SHISA9: variants seen among roughly 807,000 people sequenced by gnomAD.
SHISA9 encodes the protein shisa family member 9.
A neutral mutation model predicts 38.0 loss-of-function variants in SHISA9; 13 were observed. The ratio of observed to expected loss-of-function variants is 0.34; its 90% CI spans 0.22 to 0.54. The LOEUF (loss-of-function observed/expected upper bound fraction) is 0.54. Ranked by LOEUF, SHISA9 falls within the 20% of genes least tolerant of loss-of-function variation. The pLI is 0.91. For synonymous variants in SHISA9, 275 were observed against 242.0 expected (o/e 1.14, Z -1.27); for missense variants, 538 against 575.8 (o/e 0.93, Z 0.67).
chr16:12,907,757 C>G (rs908361181), intron 1 of SHISA9, among the ~76,000 whole-genome samples: 1 of 152,118 alleles, frequency 6.6e-6, no homozygotes, highest in Non-Finnish European at 1.5e-5. Context: ...AGATTTCACG[C>G]AGGAATCCAG....
chr16:12,926,832 A>AC (rs543333321), intron 2 of SHISA9, among the ~76,000 whole-genome samples: 193 of 152,312 alleles, frequency 1.3e-3, no homozygotes, highest in African/African-American at 4.4e-3. Flanking sequence ...GACTTTGCCC[A>AC]CCGCTGACTG....
At chr16:13,066,677 T>G (rs1293244479) in intron 2 of SHISA9, among the ~76,000 whole-genome samples, 1 of 152,204 alleles carries the variant, frequency 6.6e-6, no homozygotes, top group South Asian at 2.1e-4. Flanking sequence ...GAATTAAACG[T>G]GTAATGAATG....
At chr16:13,388,650 TG>T in the SHISA9 span, among the ~76,000 whole-genome samples, 1 of 152,178 alleles carries the variant, frequency 6.6e-6, no homozygotes, top group African/African-American at 2.4e-5. Context: ...TTCTATCATA[TG>T]CTAACTCTCT....
the SHISA9 span, among the ~76,000 whole-genome samples, chr16:13,364,226 C>T: frequency 2.6e-5 from 4 of 152,144 alleles, no homozygotes; most frequent in African/African-American, 9.7e-5. Context: ...ACACCTGTGC[C>T]CACTAGGTCC....
chr16:12,914,897 G>A (rs1218301279), intron 1 of SHISA9, among the ~76,000 whole-genome samples: 1 of 152,204 alleles, frequency 6.6e-6, no homozygotes, highest in East Asian at 1.9e-4. Context: ...GACACTGCTA[G>A]GACACTGACA....
chr16:13,502,600 C>T, the SHISA9 span, among the ~76,000 whole-genome samples: 102 of 152,194 alleles, frequency 6.7e-4, 1 homozygote, highest in African/African-American at 2.2e-3. Flanking sequence ...ACAGGCCGGG[C>T]GCGGTGGCTC....
chr16:13,523,914 C>T, the SHISA9 span, among the ~76,000 whole-genome samples: 3 of 152,174 alleles, frequency 2.0e-5, no homozygotes, highest in Non-Finnish European at 4.4e-5. Flanking sequence ...GCATTGTCCT[C>T]TTTGATCCTC....
intron 1 of SHISA9, among the ~76,000 whole-genome samples, chr16:12,911,843 C>T (rs1164606089): frequency 1.3e-5 from 2 of 152,220 alleles, no homozygotes; most frequent in Non-Finnish European, 2.9e-5. Flanking sequence ...AACCACATGT[C>T]TGCTTTGTGA....
At chr16:12,975,152 G>C (rs2072140143) in intron 2 of SHISA9, among the ~76,000 whole-genome samples, 1 of 152,150 alleles carries the variant, frequency 6.6e-6, no homozygotes, top group South Asian at 2.1e-4. Flanking sequence ...TATCTTTGCT[G>C]ATAATTCCAC....
At chr16:13,153,752 C>T (rs796132343) in intron 2 of SHISA9, among the ~76,000 whole-genome samples, 33 of 152,214 alleles carry the variant, frequency 2.2e-4, no homozygotes, top group African/African-American at 7.9e-4. Context: ...ACTTGATGAT[C>T]GCTCATTTTG....
At chr16:13,044,105 C>G (rs1022266050) in intron 2 of SHISA9, among the ~76,000 whole-genome samples, 3 of 152,222 alleles carry the variant, frequency 2.0e-5, no homozygotes, top group African/African-American at 7.2e-5. Context: ...AAGACTCAAC[C>G]TGTGGTCTGT....
At chr16:13,471,294 A>G in the SHISA9 span, among the ~76,000 whole-genome samples, 2 of 152,300 alleles carry the variant, frequency 1.3e-5, no homozygotes, top group East Asian at 3.9e-4. Context: ...TGGTCATCAC[A>G]AGTTCTTGCT....
the SHISA9 span, among the ~76,000 whole-genome samples, chr16:13,361,424 T>A: frequency 6.6e-6 from 1 of 152,256 alleles, no homozygotes; most frequent in African/African-American, 2.4e-5. Flanking sequence ...TGTCCACTTC[T>A]TTCTCTATTA....
At chr16:13,560,036 G>A in the SHISA9 span, among the ~76,000 whole-genome samples, 4 of 152,224 alleles carry the variant, frequency 2.6e-5, no homozygotes, top group Non-Finnish European at 5.9e-5. Context: ...AAATAAACAA[G>A]AGAGAGAATT....
the SHISA9 span, among the ~76,000 whole-genome samples, chr16:13,339,232 G>A: frequency 4.1e-5 from 6 of 146,858 alleles, no homozygotes; most frequent in Non-Finnish European, 8.9e-5. Flanking sequence ...AGTTAGAGCT[G>A]TCATAACTTA....
chr16:13,373,590 A>G, the SHISA9 span, among the ~76,000 whole-genome samples: 1 of 152,038 alleles, frequency 6.6e-6, no homozygotes, highest in Non-Finnish European at 1.5e-5. Flanking sequence ...GTGAAACTCC[A>G]TCTCTACTAA....
At chr16:13,389,690 A>G in the SHISA9 span, among the ~76,000 whole-genome samples, 1 of 152,178 alleles carries the variant, frequency 6.6e-6, no homozygotes, top group African/African-American at 2.4e-5. Flanking sequence ...CCTCTGATTA[A>G]CCTAGGCTCA....
intron 2 of SHISA9, among the ~76,000 whole-genome samples, chr16:13,089,068 A>G (rs2073745099): frequency 6.6e-6 from 1 of 152,190 alleles, no homozygotes; most frequent in Admixed American, 6.5e-5. Flanking sequence ...TAAGATAATC[A>G]TGTGGTTTTT....
At chr16:12,941,599 C>G (rs540024620) in intron 2 of SHISA9, among the ~76,000 whole-genome samples, 1 of 152,190 alleles carries the variant, frequency 6.6e-6, no homozygotes, top group African/African-American at 2.4e-5. Flanking sequence ...TTTGTCATGC[C>G]TATAATCCTA....
Sources: allele counts gnomAD v4.1 joint callset (sites outside exome capture counted in the v4.1 genomes callset), GRCh38; gene constraint gnomAD v4.1.1; transcripts MANE v1.5; gene names NCBI Gene and HGNC (gene_info 2026-07-23, HGNC 2026-07-21).